The following TMTC1 variants were observed in gnomAD, a reference collection of about 807,000 sequenced individuals.
The protein encoded by TMTC1 is transmembrane O-mannosyltransferase targeting cadherins 1.
A neutral mutation model predicts 104.8 loss-of-function variants in TMTC1; 73 were observed. That is an observed-to-expected ratio of 0.70 (90% CI 0.58 to 0.85). The LOEUF is 0.85. Among genes scored for constraint, TMTC1 ranks in the 40% least tolerant of loss-of-function variants. The probability of loss-of-function intolerance (pLI) is 0.00; values close to 1 mark genes in which losing one functional copy is unlikely to be tolerated. For missense variants in TMTC1, 1,035 were observed against 1,096.1 expected (o/e 0.94, Z 0.79); for synonymous variants, 434 against 428.7 (o/e 1.01, Z -0.15).
intron 6 of TMTC1, among the ~76,000 whole-genome samples, chr12:29,626,890 C>G (rs1189965755): frequency 1.3e-5 from 2 of 152,166 alleles, no homozygotes; most frequent in Admixed American, 1.3e-4. Context: ...CACTTGAGGT[C>G]TGGAGTTCGA....
chr12:29,650,482 C>T (rs1939465048), intron 5 of TMTC1, among the ~76,000 whole-genome samples: 2 of 152,176 alleles, frequency 1.3e-5, no homozygotes, highest in South Asian at 4.1e-4. Context: ...CTACCCTAGA[C>T]CTACCCTCTC....
chr12:29,714,192 T>A (rs1007540843), intron 5 of TMTC1, among the ~76,000 whole-genome samples: 1 of 152,224 alleles, frequency 6.6e-6, no homozygotes, highest in African/African-American at 2.4e-5. Flanking sequence ...GACAATAGTT[T>A]GTCAGCAAAA....
chr12:29,533,828 A>G (rs987201929), intron 11 of TMTC1: 3 of 152,248 alleles, frequency 2.0e-5, no homozygotes, highest in Admixed American at 6.5e-5. Flanking sequence ...TGATATAAAT[A>G]CAGAATATGT....
chr12:29,524,435 C>A (rs1457922328), intron 11 of TMTC1, among the ~76,000 whole-genome samples: 1 of 151,940 alleles, frequency 6.6e-6, no homozygotes, highest in Admixed American at 6.6e-5. Context: ...TTCTGTTTAT[C>A]CAGTAGACAA....
chr12:29,731,682 C>A (rs1942550177), intron 5 of TMTC1, among the ~76,000 whole-genome samples: 1 of 152,152 alleles, frequency 6.6e-6, no homozygotes, highest in African/African-American at 2.4e-5. Flanking sequence ...ACTTTGGATC[C>A]ATTTAAATAC....
rs1946642827 is a variant in TMTC1 at position 29,604,369 on chromosome 12, T to G, written c.1129-70A>C. ...CCACTTCAGGCAGCATTTAACCATC[T>G]CCTTCACTTTCAGGTTCTCAATGAA... On this transcript the variant is annotated intron_variant, in intron 6 of 17. Coordinates refer to ENST00000539277, the MANE Select transcript of TMTC1 (RefSeq NM_001193451.2). 3 of 1,592,224 alleles carry G rather than the reference T, an allele frequency of 1.9e-6. No individual in the cohort carries two copies. The African/African-American group carries it at 4.0e-5, about 21-fold the overall frequency.
intron 5 of TMTC1, among the ~76,000 whole-genome samples, chr12:29,733,879 C>T (rs1942607186): frequency 6.6e-6 from 1 of 152,168 alleles, no homozygotes; most frequent in Admixed American, 6.5e-5. Context: ...GCTAAGCTTC[C>T]CATGTCTTTG....
At chr12:29,639,150 C>T (rs1307521801) in intron 5 of TMTC1, among the ~76,000 whole-genome samples, 1 of 152,190 alleles carries the variant, frequency 6.6e-6, no homozygotes, top group Non-Finnish European at 1.5e-5. Flanking sequence ...CTAGCCTCTG[C>T]CTTCCACAAC....
chr12:29,656,018 A>G (rs1939737245), intron 5 of TMTC1, among the ~76,000 whole-genome samples: 1 of 152,160 alleles, frequency 6.6e-6, no homozygotes, highest in Non-Finnish European at 1.5e-5. Flanking sequence ...AGACGGCCAT[A>G]ACCACCTGGC....
intron 5 of TMTC1, among the ~76,000 whole-genome samples, chr12:29,701,080 A>G (rs867074174): frequency 6.8e-6 from 1 of 147,614 alleles, no homozygotes; most frequent in South Asian, 2.1e-4. Context: ...TGCTCTGCTG[A>G]CTGAGAGTCT....
chr12:29,682,262 G>T (rs1940943660), intron 5 of TMTC1, among the ~76,000 whole-genome samples: 1 of 152,106 alleles, frequency 6.6e-6, no homozygotes, highest in South Asian at 2.1e-4. Context: ...CAAATACTGG[G>T]GAAGTCCAGA....
chr12:29,507,036 C>G (rs779216962), intron 17 of TMTC1, 50 bp from the exon 18 acceptor site: 2 of 1,534,294 alleles, frequency 1.3e-6, no homozygotes, highest in Non-Finnish European at 1.8e-6. Context: ...TCACAAAACT[C>G]TCTCAGAGAA....
intron 6 of TMTC1, among the ~76,000 whole-genome samples, chr12:29,620,037 A>G (rs917899353): frequency 2.2e-4 from 33 of 152,218 alleles, no homozygotes; most frequent in Admixed American, 1.6e-3. Flanking sequence ...TTTGAAATAC[A>G]TCGACTCAAG....
At chr12:29,618,518 CCTT>C (rs2136452451) in intron 6 of TMTC1, among the ~76,000 whole-genome samples, 1 of 152,082 alleles carries the variant, frequency 6.6e-6, no homozygotes, top group South Asian at 2.1e-4. Context: ...TATGCTTCCT[CCTT>C]AGGCAATGTA....
chr12:29,704,969 A>T (rs10743670), intron 5 of TMTC1, among the ~76,000 whole-genome samples: 79,648 of 152,106 alleles, frequency 0.52, 21,135 homozygotes, highest in East Asian at 0.66. Flanking sequence ...AAGAAAAGCT[A>T]GAAAATGTGA....
At position 29,506,858 on chromosome 12, in the gene TMTC1, C is replaced by T. The variant is rs867147555; in HGVS notation, c.2637G>A (p.Lys879=). The change falls in exon 18 of 18, where the codon AAG becomes AAA. Residue 879 remains lysine (K), a synonymous_variant. Transcript: ENST00000539277. ...TCAGACGGTGGTGCTATGTTTGATC[C>T]TTTTCTCGAACTTCTTGTAATCGTT... ...LEKRLQEVRE[K]DQT 5.0e-6 allele frequency: 8 copies of T among 1,614,054 alleles called. No individual in the cohort carries two copies. In the Middle Eastern group the frequency reaches 1.3e-3, roughly 266 times the overall value.
chr12:29,536,339 T>TG lies in TMTC1; in HGVS notation c.1677-23dup, dbSNP rs534250704. The TG allele has an allele frequency of 5.3e-5, 75 of 1,424,798 alleles. 1 individual carries two copies. The African/African-American group carries it at 7.7e-4, about 15-fold the overall frequency. 88.3% of individuals were successfully genotyped at this position (1,424,798 alleles called of 1,614,324 possible). On this transcript the variant is annotated intron_variant, in intron 10 of 17. Transcript: ENST00000539277. ...GGACCTATAGATAATAATGAAGGGG[T>TG]GGGGGAGAACATCTTTTAATAACAC...
intron 5 of TMTC1, among the ~76,000 whole-genome samples, chr12:29,678,886 A>T (rs1002514135): frequency 8.5e-5 from 13 of 152,194 alleles, no homozygotes; most frequent in Non-Finnish European, 1.5e-4. Context: ...GGGAGTAAAA[A>T]TTTGTACAAC....
chr12:29,503,263 A>G lies in TMTC1; in HGVS notation c.*3583T>C, dbSNP rs891944611. On this transcript the variant is annotated 3_prime_UTR_variant, in exon 18 of 18. Transcript: ENST00000539277. ...TTTAAATTAAACAACCCAAAAGGAT[A>G]TATCTCAGGATTCTCTATAATACAA... 2 of 152,224 alleles carry G rather than the reference A, an allele frequency of 1.3e-5. No homozygotes were observed. The highest frequency in any genetic ancestry group is 4.8e-5 in the African/African-American group (2 of 41,456). The allele number at this position is 152,224 out of a possible 1,614,324, so 9.4% of individuals were successfully genotyped here.
Sources: allele counts gnomAD v4.1 joint callset (sites outside exome capture counted in the v4.1 genomes callset), GRCh38; gene constraint gnomAD v4.1.1; transcripts MANE v1.5; gene names NCBI Gene and HGNC (gene_info 2026-07-23, HGNC 2026-07-21).